BCAR1: variants seen among roughly 807,000 people sequenced by gnomAD.
BCAR1 encodes the protein BCAR1 scaffold protein, Cas family member.
Under a neutral mutation model 67.6 loss-of-function variants are expected in BCAR1, and 30 were observed. The ratio of observed to expected loss-of-function variants is 0.44; its 90% CI spans 0.33 to 0.60. The LOEUF (loss-of-function observed/expected upper bound fraction) is 0.60. Ranked by LOEUF, BCAR1 falls within the 20% of genes least tolerant of loss-of-function variation. BCAR1 has a pLI of 0.02. For synonymous variants in BCAR1, 626 were observed against 556.7 expected, an observed-to-expected ratio of 1.12 and a Z score of -1.75; for missense variants, 1,313 against 1,222.3, an observed-to-expected ratio of 1.07 and a Z score of -1.11.
Position 75,236,869 on chromosome 16 carries a change from G to A in BCAR1, c.912+13C>T, listed in dbSNP as rs1286092670. On this transcript the variant is annotated intron_variant, in intron 4 of 6. Coordinates refer to ENST00000162330, the MANE Select transcript of BCAR1 (RefSeq NM_014567.5). Reference sequence around the variant, plus strand: ...CTCAGCCTGGCCCTGGCATTGCCCTGGCATTTGCTCACTGCGTGGTGGTTG... The same window carrying A: ...CTCAGCCTGGCCCTGGCATTGCCCTAGCATTTGCTCACTGCGTGGTGGTTG... 1 of 1,610,056 alleles carries A rather than the reference G, an allele frequency of 6.2e-7. No individual in the cohort carries two copies.
chr16:75,244,061 C>A (rs1309980970), intron 1 of BCAR1, among the ~76,000 whole-genome samples: 1 of 152,226 alleles, frequency 6.6e-6, no homozygotes, highest in African/African-American at 2.4e-5. Context: ...TCCACAGGGG[C>A]CCCAGACTTC....
chr16:75,247,852 G>A, intron 1 of BCAR1: 2 of 608,922 alleles, frequency 3.3e-6, no homozygotes, highest in Non-Finnish European at 2.9e-6. Flanking sequence ...GGTGGGAGCT[G>A]GGAGAAAATG....
intron 1 of BCAR1, among the ~76,000 whole-genome samples, chr16:75,245,681 G>A (rs148328863): frequency 2.6e-5 from 4 of 152,196 alleles, no homozygotes; most frequent in East Asian, 1.9e-4. Flanking sequence ...GGCACCAGGC[G>A]CCTGGCACCA....
intron 1 of BCAR1, chr16:75,249,778 G>T (rs888526302): frequency 2.0e-5 from 3 of 152,248 alleles, no homozygotes; most frequent in African/African-American, 7.2e-5. Context: ...GAACCAGAGG[G>T]TTCCTACCAA....
At chr16:75,250,765 T>C in intron 1 of BCAR1, 4 of 985,482 alleles carry the variant, frequency 4.1e-6, no homozygotes, top group Non-Finnish European at 4.8e-6. Flanking sequence ...AAAGCCTTCA[T>C]GTCCACACTG....
chr16:75,265,699 A>C, intron 1 of BCAR1: 3 of 1,014,558 alleles, frequency 3.0e-6, no homozygotes, highest in Non-Finnish European at 1.2e-6. Flanking sequence ...CCCGGGGCCG[A>C]GGAGGCCCCA....
intron 1 of BCAR1, chr16:75,266,886 C>T (rs1030469834): frequency 2.1e-6 from 2 of 947,068 alleles, no homozygotes; most frequent in Non-Finnish European, 2.8e-6. Context: ...TGCCGCAGCC[C>T]GGGCTCATGG....
chr16:75,259,425 G>A (rs977114336), intron 1 of BCAR1, among the ~76,000 whole-genome samples: 3 of 152,174 alleles, frequency 2.0e-5, no homozygotes, highest in Non-Finnish European at 2.9e-5. Flanking sequence ...TTAAGTCTAG[G>A]AGGCCAGGTT....
chr16:75,254,819 T>C (rs185941556), upstream of BCAR1, among the ~76,000 whole-genome samples: 1,389 of 148,798 alleles, frequency 9.3e-3, 9 homozygotes, highest in Non-Finnish European at 0.012. Flanking sequence ...CTGGAATAGC[T>C]GTTTGTACAG....
intron 1 of BCAR1, chr16:75,248,449 C>T (rs756311374): frequency 8.5e-5 from 78 of 917,256 alleles, no homozygotes; most frequent in Non-Finnish European, 1.0e-4. Flanking sequence ...ATGCGCCCAA[C>T]TGGCCATCCG....
At chr16:75,241,539 C>T (rs2077341410) in intron 2 of BCAR1, among the ~76,000 whole-genome samples, 3 of 152,184 alleles carry the variant, frequency 2.0e-5, no homozygotes, top group Non-Finnish European at 4.4e-5. Context: ...CAGCCAGGCT[C>T]GCCTCTGACC....
chr16:75,253,707 A>G (rs192305309), upstream of BCAR1, among the ~76,000 whole-genome samples: 1 of 152,314 alleles, frequency 6.6e-6, no homozygotes, highest in East Asian at 1.9e-4. Flanking sequence ...AAGGCCCCAG[A>G]AGTTAAGCCC....
intron 1 of BCAR1, among the ~76,000 whole-genome samples, chr16:75,267,280 G>C (rs1477219676): frequency 6.6e-6 from 1 of 152,012 alleles, no homozygotes; most frequent in Non-Finnish European, 1.5e-5. Context: ...TGCTCCAGTA[G>C]AGTATGGTTG....
intron 1 of BCAR1, among the ~76,000 whole-genome samples, chr16:75,258,025 C>T (rs2077821330): frequency 1.3e-5 from 2 of 152,354 alleles, no homozygotes; most frequent in South Asian, 2.1e-4. Flanking sequence ...CACCCTGGGG[C>T]CATCAGACTG....
chr16:75,236,141 G>A, intron 4 of BCAR1, 155 bp from the exon 5 acceptor site: 2 of 936,672 alleles, frequency 2.1e-6, no homozygotes, highest in Non-Finnish European at 3.1e-6. Flanking sequence ...TACAAATGCA[G>A]AGGCACGCAC....
chr16:75,229,889 G>C lies in BCAR1; in HGVS notation c.2235C>G (p.Leu745=), dbSNP rs988985581. 6.2e-7 allele frequency: 1 copy of C among 1,610,676 alleles called. No individual in the cohort carries two copies. Residue 745 remains leucine, a synonymous_variant, in exon 7 of 7, where the codon CTC becomes CTG. Transcript: ENST00000162330. The part of the protein sequence containing the change: ...GLGPSDRQLL[L]FYLEQCEANL... ...TGGCCTCACACTGCTCCAGGTAGAA[G>C]AGCAGCAGCTGCCGGTCCGAGGGCC...
At chr16:75,239,747 C>T (rs759031929) in intron 2 of BCAR1, among the ~76,000 whole-genome samples, 4 of 152,140 alleles carry the variant, frequency 2.6e-5, no homozygotes, top group Non-Finnish European at 5.9e-5. Flanking sequence ...GTCATGGTGG[C>T]CTGAGGGGCC....
In BCAR1 at chr16:75,259,617, C is replaced by T. The variant is rs1007011401; in HGVS notation, c.66+8298G>A. Among the ~76,000 whole-genome samples the T allele has an allele frequency of 6.6e-5, 10 of 152,254 alleles. No homozygotes were observed. The East Asian group carries it at 1.4e-3, about 21-fold the overall frequency. On this transcript the variant is annotated intron_variant, in intron 1 of 6. Coordinates refer to the BCAR1 transcript ENST00000393422. ...CCTGTAATCCTAGCCCTTTGGGAGG[C>T]GAAAGCGGGCGGATCACGAGGTCAG...
At chr16:75,252,543 G>A (rs376441511), upstream of BCAR1, 4 of 810,714 alleles carry the variant, frequency 4.9e-6, no homozygotes, top group African/African-American at 7.0e-5. Context: ...AGAGCCCCTG[G>A]GCCAGGCCAG....
Sources: gnomAD v4.1 joint callset for allele counts (sites outside exome capture counted in the v4.1 genomes callset) on GRCh38, gnomAD v4.1.1 for gene constraint, MANE v1.5 for transcripts, NCBI Gene and HGNC (gene_info 2026-07-23, HGNC 2026-07-21) for gene names.